The following RUFY2 variants were observed in gnomAD, a reference collection of about 807,000 sequenced individuals.
RUFY2 encodes the protein RUN and FYVE domain-containing protein 2.
In RUFY2, 49 loss-of-function variants were observed where a neutral mutation model predicts 94.4. The observed-to-expected ratio is 0.52, with a 90% CI of 0.41 to 0.66. The LOEUF (loss-of-function observed/expected upper bound fraction) is 0.66, where lower values mean the gene tolerates loss of function less well. Ranked by LOEUF, RUFY2 falls within the 30% of genes least tolerant of loss-of-function variation. RUFY2 has a pLI of 0.00. For synonymous variants in RUFY2, 255 were observed against 235.7 expected, an observed-to-expected ratio of 1.08 and a Z score of -0.75; for missense variants, 541 against 692.8, an observed-to-expected ratio of 0.78 and a Z score of 2.46.
chr10:68,377,156 T>C (rs1157356963), intron 12 of RUFY2, 184 bp from the exon 13 acceptor site: 1 of 962,850 alleles, frequency 1.0e-6, no homozygotes, highest in Non-Finnish European at 1.4e-6. Flanking sequence ...TGTTTTGTGA[T>C]TTTTTTTTTT....
intron 16 of RUFY2, among the ~76,000 whole-genome samples, chr10:68,353,419 CCAGGGAGGCAGAGGTT>C (rs1283405901): frequency 6.7e-6 from 1 of 150,118 alleles, no homozygotes; most frequent in African/African-American, 2.5e-5. Flanking sequence ...AATCACTGAA[CCAGGGAGGCAGAGGTT>C]GCAGTGAGCC....
At chr10:68,406,692 C>G in intron 1 of RUFY2, 1 of 1,432,246 alleles carries the variant, frequency 7.0e-7, no homozygotes, top group Non-Finnish European at 9.4e-7. Context: ...TTCCTGCCCC[C>G]TCCCCCCAGC....
Position 68,383,344 on chromosome 10 carries a change from C to T in RUFY2, c.939+454G>A, listed in dbSNP as rs546654752. 2.2e-4 allele frequency among the ~76,000 whole-genome samples: 33 copies of T among 150,430 alleles called. No individual in the cohort carries two copies. In the South Asian group the frequency reaches 4.0e-3, roughly 18 times the overall value. ...TGTCTCAAAACAACAATAGGCTGGG[C>T]GCAGTGGCTCACGCCTGTAATCCCA... On this transcript the variant is annotated intron_variant, in intron 10 of 17. Transcript: ENST00000602465.
In RUFY2 at chr10:68,379,529, T is replaced by C. The variant is rs1272133086; in HGVS notation, c.1108-8A>G. 2 of 1,592,136 alleles carry C rather than the reference T, an allele frequency of 1.3e-6. No individual in the cohort carries two copies. The highest frequency in any genetic ancestry group is 3.5e-5 in the Admixed American group (2 of 57,614). ...CAAGCCATCTTCAGAACCCTATTTA[T>C]AAAAACAAAAGCTATGGTGGTTTTG... On this transcript the variant is annotated splice_polypyrimidine_tract_variant and splice_region_variant and intron_variant, in intron 11 of 17. Transcript: ENST00000602465.
intron 1 of RUFY2, among the ~76,000 whole-genome samples, chr10:68,406,173 A>ATGTT (rs2051281153): frequency 6.6e-6 from 1 of 151,960 alleles, no homozygotes; most frequent in Non-Finnish European, 1.5e-5. Flanking sequence ...ACTGAACAAC[A>ATGTT]ACAACAACAA....
At chr10:68,375,844 T>A (rs1332421282) in intron 13 of RUFY2, among the ~76,000 whole-genome samples, 3 of 151,352 alleles carry the variant, frequency 2.0e-5, no homozygotes, top group African/African-American at 7.3e-5. Flanking sequence ...ACGCCTGTAA[T>A]CCTAGCACTC....
In RUFY2 at chr10:68,396,660, T is replaced by C. The variant is rs377189718; in HGVS notation, c.398+120A>G. On this transcript the variant is annotated intron_variant, in intron 4 of 17. Transcript: ENST00000602465. Reference sequence around the variant, plus strand: ...TTTCTGTCTCATTTTGCTCCTCCTCTTATTTTATATCATTTTATTATATGT... The same window carrying C: ...TTTCTGTCTCATTTTGCTCCTCCTCCTATTTTATATCATTTTATTATATGT... 138 of 597,416 alleles carry C rather than the reference T, an allele frequency of 2.3e-4. 2 individuals are homozygous for C. The highest frequency in any genetic ancestry group is 2.0e-3 in the East Asian group (67 of 34,214). The allele number at this position is 597,416 out of a possible 1,614,324, so 37.0% of individuals were successfully genotyped here. A position where few individuals can be genotyped will look rare whatever the true frequency, so the allele number is the denominator to read the frequency against.
chr10:68,390,925 C>A (rs969379117), intron 7 of RUFY2, among the ~76,000 whole-genome samples: 6 of 151,300 alleles, frequency 4.0e-5, no homozygotes, highest in Non-Finnish European at 5.9e-5. Context: ...AGCCATCACA[C>A]CTGGCCTAAT....
chr10:68,355,549 C>T (rs1458459657), intron 15 of RUFY2, 148 bp from the exon 16 acceptor site: 1 of 484,014 alleles, frequency 2.1e-6, no homozygotes, highest in African/African-American at 2.0e-5. Flanking sequence ...TGGAATATTT[C>T]ATATTTTCCT....
chr10:68,404,600 T>A (rs2051125934), intron 2 of RUFY2, 71 bp downstream of exon 2: 28 of 1,130,194 alleles, frequency 2.5e-5, no homozygotes, highest in Non-Finnish European at 3.2e-5. Context: ...CCTCAAAAAA[T>A]AACCCATTCT....
At chr10:68,362,286 T>TCA (rs2047509584) in intron 15 of RUFY2, among the ~76,000 whole-genome samples, 1 of 152,136 alleles carries the variant, frequency 6.6e-6, no homozygotes, top group Non-Finnish European at 1.5e-5. Context: ...TGTGCCTGCG[T>TCA]CACTGTTCTC....
chr10:68,395,758 C>G (rs138105445), intron 4 of RUFY2, among the ~76,000 whole-genome samples: 2 of 152,140 alleles, frequency 1.3e-5, no homozygotes, highest in Non-Finnish European at 2.9e-5. Flanking sequence ...CTTTAATTAT[C>G]CTTCAGAATA....
At chr10:68,385,685 T>C (rs766236235) in intron 8 of RUFY2, among the ~76,000 whole-genome samples, 1 of 152,160 alleles carries the variant, frequency 6.6e-6, no homozygotes, top group Non-Finnish European at 1.5e-5. Flanking sequence ...ACATGTGCCA[T>C]GGTGGTTTAC....
intron 13 of RUFY2, among the ~76,000 whole-genome samples, chr10:68,370,235 A>G (rs185364572): frequency 6.6e-6 from 1 of 152,252 alleles, no homozygotes; most frequent in African/African-American, 2.4e-5. Flanking sequence ...CAGTGAGCCG[A>G]GATTGCACCA....
In RUFY2 at chr10:68,364,035, A is replaced by G; in HGVS notation, c.1404T>C (p.Asp468=). 1 of 1,611,452 alleles carries G rather than the reference A, an allele frequency of 6.2e-7. No individual in the cohort carries two copies. Among genetic ancestry groups the G allele is most frequent in the Non-Finnish European group, 8.5e-7 (1 of 1,177,824 alleles). The change falls in exon 14 of 18, where the codon GAT becomes GAC. Residue 468 remains aspartate (D), a synonymous_variant. Transcript: ENST00000602465. The part of the protein sequence containing the change: ...TLQEDLQKEK[D]ALSHLRNETQ... The stretch of plus-strand genomic sequence containing the variant: ...TCTCATTTCTAAGATGAGATAAGGC[A>G]TCTTTCTCCTTTTGAAGATCTTCCT...
intron 16 of RUFY2, among the ~76,000 whole-genome samples, chr10:68,350,356 G>C (rs2046579022): frequency 6.6e-6 from 1 of 152,124 alleles, no homozygotes; most frequent in African/African-American, 2.4e-5. Flanking sequence ...GCAACAAGTA[G>C]ACAGGAACAA....
At position 68,377,944 on chromosome 10, in the gene RUFY2, A is replaced by G. The variant is rs968269373; in HGVS notation, c.1206-972T>C. ...TCCAAGGAAGGGAGAGTAACATTTA[A>G]GTTATCTCCAAATCCAAGTTTAAAT... On this transcript the variant is annotated intron_variant, in intron 12 of 17. Transcript: ENST00000602465. 9 of 985,246 alleles carry G rather than the reference A, an allele frequency of 9.1e-6. No homozygotes were observed. In the African/African-American group the frequency reaches 1.6e-4, roughly 17 times the overall value. 61.0% of individuals were successfully genotyped at this position (985,246 alleles called of 1,614,324 possible).
At chr10:68,382,990 C>T (rs1333958390) in intron 10 of RUFY2, among the ~76,000 whole-genome samples, 2 of 152,126 alleles carry the variant, frequency 1.3e-5, no homozygotes, top group Admixed American at 6.6e-5. Flanking sequence ...TGGTCATAAC[C>T]CATTCATTCA....
intron 16 of RUFY2, among the ~76,000 whole-genome samples, chr10:68,349,728 C>T (rs1037048978): frequency 1.7e-4 from 26 of 151,856 alleles, no homozygotes; most frequent in African/African-American, 6.0e-4. Context: ...TTAGTAGAGA[C>T]GGGGTTTCAC....
Sources: gnomAD v4.1 joint callset for allele counts (sites outside exome capture counted in the v4.1 genomes callset) on GRCh38, gnomAD v4.1.1 for gene constraint, MANE v1.5 for transcripts, NCBI Gene and HGNC (gene_info 2026-07-23, HGNC 2026-07-21) for gene names.